Variants in COL19A1 observed in about 807,000 individuals in gnomAD.
COL19A1 encodes the protein collagen type XIX alpha 1 chain.
In COL19A1, 159 loss-of-function variants were observed where a neutral mutation model predicts 190.2. That is an observed-to-expected ratio of 0.84 (90% CI 0.73 to 0.95). COL19A1 has a LOEUF of 0.95. COL19A1 is among the 40% of genes least tolerant of loss of function. COL19A1 has a pLI of 0.00. For missense variants in COL19A1, 1,418 were observed against 1,431.9 expected (o/e 0.99, Z 0.16); for synonymous variants, 509 against 458.9 (o/e 1.11, Z -1.39).
At chr6:69,988,649 C>T (rs1008822137) in intron 11 of COL19A1, among the ~76,000 whole-genome samples, 1 of 152,166 alleles carries the variant, frequency 6.6e-6, no homozygotes, top group African/African-American at 2.4e-5. Flanking sequence ...ACAACACCCA[C>T]GTGTTAAGAG....
intron 14 of COL19A1, chr6:70,059,872 T>C (rs1780721040): frequency 2.3e-6 from 1 of 442,464 alleles, no homozygotes; most frequent in Admixed American, 3.0e-5. Context: ...ACTAAGTAAA[T>C]TAAAAAGTAG....
At chr6:70,094,334 C>A (rs1300094966) in intron 15 of COL19A1, among the ~76,000 whole-genome samples, 3 of 152,170 alleles carry the variant, frequency 2.0e-5, no homozygotes, top group African/African-American at 7.2e-5. Context: ...AGTCAAGGCC[C>A]TGTCTCCTCT....
intron 4 of COL19A1, among the ~76,000 whole-genome samples, chr6:69,900,610 A>G (rs989759491): frequency 1.3e-5 from 2 of 152,166 alleles, no homozygotes; most frequent in African/African-American, 4.8e-5. Context: ...AATATTGTTT[A>G]TGTTTAAAGT....
intron 11 of COL19A1, among the ~76,000 whole-genome samples, chr6:69,972,710 G>A (rs1175731517): frequency 6.6e-6 from 1 of 152,046 alleles, no homozygotes; most frequent in Non-Finnish European, 1.5e-5. Context: ...ATATTTAATA[G>A]TATGCTAAAA....
At chr6:70,040,350 A>G (rs1323621892) in intron 14 of COL19A1, among the ~76,000 whole-genome samples, 1 of 152,224 alleles carries the variant, frequency 6.6e-6, no homozygotes, top group Non-Finnish European at 1.5e-5. Context: ...CGTGAAACAC[A>G]GACTGGAGTC....
intron 15 of COL19A1, among the ~76,000 whole-genome samples, chr6:70,092,641 C>G (rs186656056): frequency 2.4e-4 from 36 of 152,272 alleles, no homozygotes; most frequent in African/African-American, 7.5e-4. Context: ...AGTTCCACCT[C>G]ACTGATCCTC....
chr6:69,982,042 G>A (rs1776062494), intron 11 of COL19A1, among the ~76,000 whole-genome samples: 2 of 152,030 alleles, frequency 1.3e-5, no homozygotes, highest in Admixed American at 6.6e-5. Flanking sequence ...TGCCATCATT[G>A]TTGCCATCAT....
chr6:70,025,935 C>A (rs565904585), intron 12 of COL19A1, among the ~76,000 whole-genome samples: 2 of 152,068 alleles, frequency 1.3e-5, no homozygotes, highest in Non-Finnish European at 2.9e-5. Context: ...ACATGTTGAC[C>A]GTTCTGTGTG....
chr6:70,167,053 T>C (rs1765205261), intron 37 of COL19A1, among the ~76,000 whole-genome samples: 3 of 152,228 alleles, frequency 2.0e-5, no homozygotes, highest in Non-Finnish European at 4.4e-5. Flanking sequence ...GATGAAAATA[T>C]CCTTTGTCTC....
At chr6:70,052,473 A>G (rs1256940423) in intron 14 of COL19A1, among the ~76,000 whole-genome samples, 1 of 152,216 alleles carries the variant, frequency 6.6e-6, no homozygotes, top group Non-Finnish European at 1.5e-5. Flanking sequence ...CACCATGGCT[A>G]ACTATACCGC....
intron 11 of COL19A1, among the ~76,000 whole-genome samples, chr6:69,989,910 G>A (rs1173844733): frequency 2.0e-5 from 3 of 152,052 alleles, no homozygotes; most frequent in African/African-American, 7.2e-5. Flanking sequence ...AATGTTTCAT[G>A]TCTATAAGAT....
At chr6:70,049,077 A>T (rs77407349) in intron 14 of COL19A1, among the ~76,000 whole-genome samples, 2,142 of 152,038 alleles carry the variant, frequency 0.014, 56 homozygotes, top group African/African-American at 0.049. Flanking sequence ...TTAACAGGCT[A>T]TTCAATTTAA....
intron 4 of COL19A1, among the ~76,000 whole-genome samples, chr6:69,925,691 CATG>C (rs996619744): frequency 6.6e-6 from 1 of 152,148 alleles, no homozygotes; most frequent in African/African-American, 2.4e-5. Context: ...TGGCCATTTT[CATG>C]ATATTGGTTC....
Position 70,212,269 on chromosome 6 carries a change from TTTTG to T in COL19A1, c.*5002_*5005del, listed in dbSNP as rs1768249780. On this transcript the variant is annotated 3_prime_UTR_variant, in exon 51 of 51. Coordinates refer to ENST00000620364, the MANE Select transcript of COL19A1 (RefSeq NM_001858.6). ...AACATTTAGGGTGTGTTTTCCCCCA[TTTTG>T]TTTGTTCTCTATCTTACCTCATCAA... 6.6e-6 allele frequency among the ~76,000 whole-genome samples: 1 copy of T among 152,346 alleles called. No homozygotes were observed. Among genetic ancestry groups the T allele is most frequent in the East Asian group, 1.9e-4 (1 of 5,186 alleles).
intron 19 of COL19A1, among the ~76,000 whole-genome samples, chr6:70,138,336 G>A (rs1268042677): frequency 6.6e-6 from 1 of 151,956 alleles, no homozygotes; most frequent in Non-Finnish European, 1.5e-5. Context: ...AGTTCTTTTT[G>A]TGGGGAAAAA....
rs2150011976 is a variant in COL19A1 at position 69,929,479 on chromosome 6, A to G, written c.445A>G (p.Thr149Ala). 6.2e-7 allele frequency: 1 copy of G among 1,614,022 alleles called. No homozygotes were observed. The highest frequency in any genetic ancestry group is 8.5e-7 in the Non-Finnish European group (1 of 1,179,942). ...KKVVEFMFQA[T>A]EGDVLNYIFR... ...GGTGGTGGAATTTATGTTTCAAGCC[A>G]CAGAGGGAGATGTGTTGAACTACAT... The change falls in exon 6 of 51, where the codon ACA becomes GCA. Residue 149 changes from threonine to alanine, a missense_variant. Transcript: ENST00000620364.
At chr6:70,007,699 A>T (rs9454941) in intron 11 of COL19A1, among the ~76,000 whole-genome samples, 4 of 152,150 alleles carry the variant, frequency 2.6e-5, no homozygotes, top group African/African-American at 9.6e-5. Context: ...AATATAGTAG[A>T]CTTGAATAAG....
intron 11 of COL19A1, among the ~76,000 whole-genome samples, chr6:70,000,635 T>C (rs1485867337): frequency 2.0e-5 from 3 of 152,252 alleles, no homozygotes; most frequent in Admixed American, 1.3e-4. Flanking sequence ...TTGAGCTTTT[T>C]TCGTATGTTT....
chr6:70,186,060 G>A (rs1016825507), intron 46 of COL19A1, among the ~76,000 whole-genome samples: 1 of 151,992 alleles, frequency 6.6e-6, no homozygotes, highest in African/African-American at 2.4e-5. Context: ...TCTTGTAAGT[G>A]TCTTTTTTCA....
Sources: allele counts gnomAD v4.1 joint callset (sites outside exome capture counted in the v4.1 genomes callset), GRCh38; gene constraint gnomAD v4.1.1; transcripts MANE v1.5; gene names NCBI Gene and HGNC (gene_info 2026-07-23, HGNC 2026-07-21).